The following BMPER variants were observed in gnomAD, a reference collection of about 807,000 sequenced individuals.
BMPER encodes BMP-binding endothelial regulator protein.
Under a neutral mutation model 87.3 loss-of-function variants are expected in BMPER, and 45 were observed. The ratio of observed to expected loss-of-function variants is 0.52; its 90% CI spans 0.41 to 0.66. The LOEUF is 0.66. Ranked by LOEUF, BMPER falls within the 30% of genes least tolerant of loss-of-function variation. The probability of loss-of-function intolerance (pLI) is 0.00; values close to 1 mark genes in which losing one functional copy is unlikely to be tolerated. For synonymous variants in BMPER, 326 were observed against 316.2 expected (o/e 1.03, Z -0.33); for missense variants, 784 against 867.5 (o/e 0.90, Z 1.21).
chr7:33,905,837 T>TGCCCGGGGGGTGGGGGGGGG, intron 1 of BMPER, 91 bp downstream of exon 1: 3 of 409,726 alleles, frequency 7.3e-6, no homozygotes, highest in African/African-American at 2.4e-5. Flanking sequence ...GATGGGAGGG[T>TGCCCGGGGGGTGGGGGGGGG]GGGGAGCGCG....
At chr7:33,987,506 G>A (rs968248750) in intron 6 of BMPER, among the ~76,000 whole-genome samples, 2 of 152,108 alleles carry the variant, frequency 1.3e-5, no homozygotes, top group African/African-American at 2.4e-5. Context: ...CTAAGATCTC[G>A]AGCTGTGGTT....
At chr7:33,973,969 T>C (rs16879310) in intron 5 of BMPER, among the ~76,000 whole-genome samples, 21,078 of 152,094 alleles carry the variant, frequency 0.14, 1,942 homozygotes, top group East Asian at 0.25. Context: ...GTCCTATTAT[T>C]AGCTCAAACT....
intron 6 of BMPER, among the ~76,000 whole-genome samples, chr7:33,998,322 C>G (rs981187509): frequency 6.6e-6 from 1 of 152,164 alleles, no homozygotes; most frequent in African/African-American, 2.4e-5. Context: ...TATCCTTGTT[C>G]TGGTTTAGAA....
intron 13 of BMPER, among the ~76,000 whole-genome samples, chr7:34,107,214 C>A (rs1437532118): frequency 6.6e-6 from 1 of 152,170 alleles, no homozygotes; most frequent in East Asian, 1.9e-4. Flanking sequence ...TGCAGACTTC[C>A]AGTAGTTGAT....
At chr7:34,036,244 T>C (rs938192964) in intron 6 of BMPER, among the ~76,000 whole-genome samples, 6 of 152,224 alleles carry the variant, frequency 3.9e-5, no homozygotes, top group Admixed American at 6.5e-5. Context: ...GTTTGAACTT[T>C]GATAAAAATG....
Position 34,084,074 on chromosome 7 carries a change from C to T in BMPER, c.1409-1682C>T, listed in dbSNP as rs568832576. On this transcript the variant is annotated intron_variant, in intron 12 of 14. Coordinates refer to ENST00000649409, the MANE Select transcript of BMPER (RefSeq NM_001365308.1). ...ATCCCAGTGTTTCGGGAAGCCAAGG[C>T]GAGTGGATTGCCTGAGCTCAGGAGT... Among the ~76,000 whole-genome samples the T allele has an allele frequency of 5.8e-4, 88 of 150,762 alleles. No individual in the cohort carries two copies. In the Middle Eastern group the frequency reaches 0.014, roughly 24 times the overall value.
intron 13 of BMPER, among the ~76,000 whole-genome samples, chr7:34,142,362 C>G (rs568686197): frequency 6.6e-6 from 1 of 152,268 alleles, no homozygotes; most frequent in African/African-American, 2.4e-5. Flanking sequence ...GAACAAGAAA[C>G]TGTATTATGC....
At position 34,143,334 on chromosome 7, in the gene BMPER, A is replaced by T; in HGVS notation, c.1850A>T (p.His617Leu). 6.2e-7 allele frequency: 1 copy of T among 1,614,046 alleles called. No homozygotes were observed. Among genetic ancestry groups the T allele is most frequent in the Non-Finnish European group, 8.5e-7 (1 of 1,179,936 alleles). The change falls in exon 14 of 15, where the codon CAC (histidine) becomes CTC (leucine). Residue 617 changes from histidine to leucine, a missense_variant. His to Leu is a moderately conservative substitution (Grantham distance 99). Transcript: ENST00000649409. ...RACQREGIKVHWEPQQNCAAT... is the reference protein window; with the variant it reads ...RACQREGIKVLWEPQQNCAAT... The stretch of plus-strand genomic sequence containing the variant: ...TGCCAGAGAGAGGGCATCAAAGTCC[A>T]CTGGGAGCCTCAGCAGAATTGTGCA...
intron 13 of BMPER, among the ~76,000 whole-genome samples, chr7:34,142,441 T>C (rs1369388004): frequency 1.3e-5 from 2 of 152,254 alleles, no homozygotes; most frequent in Non-Finnish European, 2.9e-5. Context: ...TACACTAATG[T>C]AAGGCCATTA....
At chr7:33,978,979 C>A (rs574675135) in intron 6 of BMPER, among the ~76,000 whole-genome samples, 1 of 152,098 alleles carries the variant, frequency 6.6e-6, no homozygotes, top group Admixed American at 6.5e-5. Context: ...TCATCAGGGA[C>A]TAACTGTACT....
chr7:33,964,470 G>A (rs762818520), intron 3 of BMPER, among the ~76,000 whole-genome samples: 3 of 152,194 alleles, frequency 2.0e-5, no homozygotes, highest in Non-Finnish European at 4.4e-5. Context: ...TGTGACCTTC[G>A]TCCAATTTTC....
chr7:33,912,309 G>C (rs1353867357), intron 2 of BMPER, among the ~76,000 whole-genome samples: 1 of 152,180 alleles, frequency 6.6e-6, no homozygotes, highest in East Asian at 1.9e-4. Flanking sequence ...TGGCATCATG[G>C]GGATTTTCCT....
chr7:34,002,489 G>T (rs888478748), intron 6 of BMPER, among the ~76,000 whole-genome samples: 2 of 151,612 alleles, frequency 1.3e-5, no homozygotes, highest in Non-Finnish European at 3.0e-5. Flanking sequence ...TGCTTTAGTG[G>T]GTTATAATCC....
At chr7:33,983,346 A>G (rs766292002) in intron 6 of BMPER, among the ~76,000 whole-genome samples, 4 of 152,194 alleles carry the variant, frequency 2.6e-5, no homozygotes, top group Non-Finnish European at 5.9e-5. Context: ...CATTGACTTC[A>G]TATTGAGCAC....
At chr7:34,012,625 A>G (rs927089888) in intron 6 of BMPER, among the ~76,000 whole-genome samples, 2 of 151,856 alleles carry the variant, frequency 1.3e-5, no homozygotes, top group African/African-American at 4.8e-5. Context: ...AGAGGTATAC[A>G]CCATCTCAAA....
chr7:33,990,661 G>C (rs1786183325), intron 6 of BMPER, among the ~76,000 whole-genome samples: 1 of 150,316 alleles, frequency 6.7e-6, no homozygotes, highest in Non-Finnish European at 1.5e-5. Context: ...TGTTGAATAG[G>C]AGTGGTGAGA....
intron 14 of BMPER, among the ~76,000 whole-genome samples, chr7:34,149,837 GC>G (rs34421431): frequency 0.72 from 109,990 of 152,002 alleles, 40,452 homozygotes; most frequent in East Asian, 0.91. Flanking sequence ...AGGAAGATGA[GC>G]CTGTCAACAT....
intron 12 of BMPER, 118 bp from the exon 13 acceptor site, chr7:34,085,638 C>A: frequency 1.0e-6 from 1 of 988,134 alleles, no homozygotes; most frequent in Non-Finnish European, 1.6e-6. Flanking sequence ...TGGACCAACC[C>A]TTGGTGCTCC....
chr7:33,968,768 A>T (rs1211387435), intron 4 of BMPER, among the ~76,000 whole-genome samples: 1 of 152,234 alleles, frequency 6.6e-6, no homozygotes, highest in East Asian at 1.9e-4. Context: ...CCTGTTTCTT[A>T]TATCTTCCTA....
Sources: allele counts gnomAD v4.1 joint callset (sites outside exome capture counted in the v4.1 genomes callset), GRCh38; gene constraint gnomAD v4.1.1; transcripts MANE v1.5; gene names NCBI Gene and HGNC (gene_info 2026-07-23, HGNC 2026-07-21).